The following CRTC3 variants were observed in gnomAD, a reference collection of about 807,000 sequenced individuals.
CRTC3 encodes CREB regulated transcription coactivator 3, also known as CREB-regulated transcription coactivator 3.
Under a neutral mutation model 74.5 loss-of-function variants are expected in CRTC3, and 26 were observed. The ratio of observed to expected loss-of-function variants is 0.35; its 90% confidence interval spans 0.26 to 0.48. The LOEUF (loss-of-function observed/expected upper bound fraction) is 0.48. Ranked by LOEUF, CRTC3 falls within the 20% of genes least tolerant of loss-of-function variation. The pLI is 0.99. For missense variants in CRTC3, 760 were observed against 787.3 expected (o/e 0.97, Z 0.41); for synonymous variants, 377 against 325.8 (o/e 1.16, Z -1.69).
intron 2 of CRTC3, among the ~76,000 whole-genome samples, chr15:90,589,545 A>G (rs986094467): frequency 2.0e-5 from 3 of 152,032 alleles, no homozygotes; most frequent in Admixed American, 6.6e-5. Context: ...TTTTGTAGAG[A>G]CAGGGTCTCA....
chr15:90,570,911 G>A (rs1205031818), intron 2 of CRTC3, among the ~76,000 whole-genome samples: 1 of 152,132 alleles, frequency 6.6e-6, no homozygotes, highest in South Asian at 2.1e-4. Flanking sequence ...CAAAACGACT[G>A]TGTCTGAAGG....
chr15:90,540,773 A>C (rs1006631630), intron 2 of CRTC3, among the ~76,000 whole-genome samples: 1 of 152,204 alleles, frequency 6.6e-6, no homozygotes, highest in African/African-American at 2.4e-5. Flanking sequence ...ACTGTCTCAA[A>C]AAAAAATAAA....
chr15:90,535,492 G>A (rs753676633), intron 1 of CRTC3, among the ~76,000 whole-genome samples: 1 of 152,152 alleles, frequency 6.6e-6, no homozygotes, highest in Non-Finnish European at 1.5e-5. Flanking sequence ...GAGACGTTGA[G>A]GAGTGGACGG....
chr15:90,536,490 CA>C (rs34900618), intron 1 of CRTC3, among the ~76,000 whole-genome samples: 1,485 of 141,620 alleles, frequency 0.01, 31 homozygotes, highest in African/African-American at 0.035. Flanking sequence ...GACCCTGTCT[CA>C]AAAAAAAAAA....
chr15:90,643,735 G>T lies in CRTC3; in HGVS notation c.*1595G>T, dbSNP rs540471101. On this transcript the variant is annotated 3_prime_UTR_variant, in exon 15 of 15. Transcript: ENST00000268184. Reference sequence around the variant, plus strand: ...GCAGAGCACTGCAGGGGGAGGGGGGGGTCTAGGCTGTGAGAGGACAGGGTG... The same window carrying T: ...GCAGAGCACTGCAGGGGGAGGGGGGTGTCTAGGCTGTGAGAGGACAGGGTG... 14 of 232,728 alleles carry T rather than the reference G, an allele frequency of 6.0e-5. No homozygotes were observed. The highest frequency in any genetic ancestry group is 3.0e-4 in the East Asian group (5 of 16,528). The allele number at this position is 232,728 out of a possible 1,614,324, so 14.4% of individuals were successfully genotyped here. A position where few individuals can be genotyped will look rare whatever the true frequency, so the allele number is the denominator to read the frequency against.
intron 2 of CRTC3, among the ~76,000 whole-genome samples, chr15:90,577,045 TTTTGTTTTG>T (rs869284411): frequency 1.3e-5 from 2 of 151,756 alleles, no homozygotes; most frequent in East Asian, 1.9e-4. Context: ...TTTTGTTTTG[TTTTGTTTTG>T]TTTTTTTGAG....
intron 2 of CRTC3, among the ~76,000 whole-genome samples, chr15:90,548,915 T>G (rs1327572666): frequency 3.9e-5 from 6 of 152,190 alleles, no homozygotes; most frequent in African/African-American, 1.4e-4. Flanking sequence ...CAAATCAGAA[T>G]TACTGTATAC....
chr15:90,586,623 G>A (rs1197955533), intron 2 of CRTC3, among the ~76,000 whole-genome samples: 2 of 152,070 alleles, frequency 1.3e-5, no homozygotes, highest in Non-Finnish European at 2.9e-5. Flanking sequence ...GCCTCCCAAA[G>A]TGCTGGGATT....
chr15:90,578,420 A>G (rs1339495929), intron 2 of CRTC3, among the ~76,000 whole-genome samples: 3 of 151,892 alleles, frequency 2.0e-5, no homozygotes, highest in Admixed American at 1.3e-4. Flanking sequence ...GGTGGCATAC[A>G]CCTGTAATCC....
intron 2 of CRTC3, among the ~76,000 whole-genome samples, chr15:90,588,593 A>G (rs1015672935): frequency 5.5e-5 from 5 of 90,420 alleles, no homozygotes; most frequent in African/African-American, 1.4e-4. Context: ...AGCAAGTCAC[A>G]TGGGCCAGTC....
chr15:90,548,307 T>G (rs1446571161), intron 2 of CRTC3, among the ~76,000 whole-genome samples: 2 of 152,234 alleles, frequency 1.3e-5, no homozygotes, highest in Non-Finnish European at 1.5e-5. Context: ...CATGTGTAAC[T>G]GAGGGCTTTT....
intron 3 of CRTC3, chr15:90,595,079 T>G (rs1967887987): frequency 6.6e-6 from 1 of 152,202 alleles, no homozygotes; most frequent in Non-Finnish European, 1.5e-5. Flanking sequence ...TCAAGGAAAG[T>G]AAAGATGATA....
chr15:90,534,777 A>G (rs902669668), intron 1 of CRTC3, among the ~76,000 whole-genome samples: 4 of 152,134 alleles, frequency 2.6e-5, no homozygotes, highest in African/African-American at 9.7e-5. Context: ...ACCACCCTCT[A>G]AGGTATTCTT....
intron 1 of CRTC3, among the ~76,000 whole-genome samples, chr15:90,535,608 T>C (rs546266966): frequency 1.3e-5 from 2 of 152,062 alleles, no homozygotes; most frequent in South Asian, 4.2e-4. Context: ...CACCCTGGAG[T>C]GTTGATTGGA....
At position 90,644,414 on chromosome 15, in the gene CRTC3, A is replaced by G. The variant is rs376360182; in HGVS notation, c.*2274A>G. 1.3e-5 allele frequency: 3 copies of G among 229,542 alleles called. No homozygotes were observed. Among genetic ancestry groups the G allele is most frequent in the East Asian group, 1.2e-4 (2 of 16,166 alleles). The allele number at this position is 229,542 out of a possible 1,614,324, so 14.2% of individuals were successfully genotyped here. A position where few individuals can be genotyped will look rare whatever the true frequency, so the allele number is the denominator to read the frequency against. ...TCACTCTTCACATAGTGCCTTACCC[A>G]TGGGTATCGTCATATCCGGGTCCCA... On this transcript the variant is annotated 3_prime_UTR_variant, in exon 15 of 15. Transcript: ENST00000268184.
rs1968982234 is a variant in CRTC3, at chr15:90,630,064, T to C, written c.1266+532T>C. 1.3e-5 allele frequency among the ~76,000 whole-genome samples: 2 copies of C among 152,208 alleles called. 1 individual carries two copies. The highest frequency in any genetic ancestry group is 2.9e-5 in the Non-Finnish European group (2 of 68,038). On this transcript the variant is annotated intron_variant, in intron 11 of 14. Transcript: ENST00000268184. The stretch of plus-strand genomic sequence containing the variant: ...TATTATAATAATAGCAGATTTGCTG[T>C]GTTGATTACTCTTTAAGCAAATGTT...
chr15:90,622,781 G>GCAGA (rs1403203347), intron 9 of CRTC3, among the ~76,000 whole-genome samples: 12 of 151,280 alleles, frequency 7.9e-5, no homozygotes, highest in African/African-American at 3.0e-4. Context: ...AACCCGGGAG[G>GCAGA]CAGAGGTTGC....
chr15:90,617,823 G>GC (rs1473709316), intron 7 of CRTC3, 60 bp from the exon 8 acceptor site: 4 of 1,159,264 alleles, frequency 3.5e-6, no homozygotes, highest in African/African-American at 1.5e-5. Flanking sequence ...GAGCCACCGT[G>GC]CCCGGCCTGG....
Position 90,644,841 on chromosome 15 carries a change from T to G in CRTC3, c.*2701T>G, listed in dbSNP as rs142409472. The stretch of plus-strand genomic sequence containing the variant: ...AGTAAACTATTTTTCATTATTTAGT[T>G]TTGTCACAAGAAATCGACCATTGTA... On this transcript the variant is annotated 3_prime_UTR_variant, in exon 15 of 15. Coordinates refer to ENST00000268184, the MANE Select transcript of CRTC3 (RefSeq NM_022769.5). 1.9e-3 allele frequency: 445 copies of G among 232,328 alleles called. 2 individuals are homozygous for G. The highest frequency in any genetic ancestry group is 9.1e-3 in the African/African-American group (415 of 45,434). The allele number at this position is 232,328 out of a possible 1,614,324, so 14.4% of individuals were successfully genotyped here.
Sources: allele counts gnomAD v4.1 joint callset (sites outside exome capture counted in the v4.1 genomes callset), GRCh38; gene constraint gnomAD v4.1.1; transcripts MANE v1.5; gene names NCBI Gene and HGNC (gene_info 2026-07-23, HGNC 2026-07-21).